The following ADAMTS6 variants were observed in gnomAD, a reference collection of about 807,000 sequenced individuals.
ADAMTS6 encodes the protein ADAM metallopeptidase with thrombospondin type 1 motif 6.
Under a neutral mutation model 144.3 loss-of-function variants are expected in ADAMTS6, and 23 were observed. The ratio of observed to expected loss-of-function variants is 0.16; its 90% CI spans 0.11 to 0.23. ADAMTS6 has a LOEUF of 0.23. Ranked by LOEUF, ADAMTS6 falls within the 10% of genes least tolerant of loss-of-function variation. The probability of loss-of-function intolerance (pLI) is 1.00; values close to 1 mark genes in which losing one functional copy is unlikely to be tolerated. For missense variants in ADAMTS6, 999 were observed against 1,379.6 expected (o/e 0.72, Z 4.37); for synonymous variants, 444 against 457.5 (o/e 0.97, Z 0.38).
intron 11 of ADAMTS6, among the ~76,000 whole-genome samples, chr5:65,278,240 A>G (rs556855158): frequency 6.6e-6 from 1 of 152,178 alleles, no homozygotes; most frequent in South Asian, 2.1e-4. Context: ...GGGCACTTAG[A>G]TTGGTTCCAC....
At chr5:65,220,607 C>A (rs939401350) in intron 18 of ADAMTS6, among the ~76,000 whole-genome samples, 3 of 152,128 alleles carry the variant, frequency 2.0e-5, no homozygotes, top group East Asian at 3.9e-4. Flanking sequence ...ATTAGCCGGG[C>A]GTCAACGTGG....
intron 14 of ADAMTS6, among the ~76,000 whole-genome samples, chr5:65,253,054 C>A (rs62369581): frequency 0.15 from 23,359 of 151,520 alleles, 2,052 homozygotes; most frequent in African/African-American, 0.24. Flanking sequence ...TGCCCAGCTA[C>A]TTTCTGTATT....
intron 7 of ADAMTS6, among the ~76,000 whole-genome samples, chr5:65,442,728 A>T (rs1211665154): frequency 6.6e-6 from 1 of 152,168 alleles, no homozygotes; most frequent in Admixed American, 6.5e-5. Flanking sequence ...GGTTTGTTAC[A>T]TAGGTAGACA....
intron 7 of ADAMTS6, among the ~76,000 whole-genome samples, chr5:65,395,415 A>AT (rs1289007799): frequency 6.6e-6 from 1 of 152,092 alleles, no homozygotes; most frequent in Non-Finnish European, 1.5e-5. Context: ...TCCACAGGAA[A>AT]TTTTTTTAAC....
At chr5:65,275,403 GAAAGAAAGAAAGAAAA>G (rs1762431494) in intron 11 of ADAMTS6, among the ~76,000 whole-genome samples, 4 of 119,558 alleles carry the variant, frequency 3.3e-5, no homozygotes, top group African/African-American at 1.3e-4. Context: ...AAGAAAGAAA[GAAAGAAAGAAAGAAAA>G]GAAAGAAAGA....
At chr5:65,451,289 C>T in intron 7 of ADAMTS6, 186 bp downstream of exon 7, 2 of 532,364 alleles carry the variant, frequency 3.8e-6, no homozygotes, top group Middle Eastern at 5.1e-4. Context: ...TTTCTTTTTT[C>T]TTATTTGGTT....
intron 12 of ADAMTS6, among the ~76,000 whole-genome samples, chr5:65,271,694 T>C (rs776775864): frequency 1.3e-5 from 2 of 152,158 alleles, no homozygotes; most frequent in Non-Finnish European, 2.9e-5. Context: ...AACTTGATCA[T>C]GAGAATAATA....
chr5:65,191,656 T>A (rs1305360593), intron 21 of ADAMTS6, among the ~76,000 whole-genome samples: 2 of 152,138 alleles, frequency 1.3e-5, no homozygotes, highest in East Asian at 3.9e-4. Flanking sequence ...ACATTTTAAA[T>A]TAACTTAAAA....
chr5:65,154,075 G>T (rs1752273968), intron 24 of ADAMTS6, among the ~76,000 whole-genome samples: 1 of 152,084 alleles, frequency 6.6e-6, no homozygotes, highest in Admixed American at 6.5e-5. Flanking sequence ...AGGTGTGGTG[G>T]CACACACCTG....
At chr5:65,414,577 T>C (rs1474346131) in intron 7 of ADAMTS6, among the ~76,000 whole-genome samples, 1 of 152,164 alleles carries the variant, frequency 6.6e-6, no homozygotes, top group Non-Finnish European at 1.5e-5. Context: ...GTAAGAAGGA[T>C]ATATATAAAG....
chr5:65,157,243 T>G (rs1454313678), intron 24 of ADAMTS6, among the ~76,000 whole-genome samples: 1 of 152,236 alleles, frequency 6.6e-6, no homozygotes, highest in African/African-American at 2.4e-5. Flanking sequence ...TACTTAACAT[T>G]GATGTGCCAA....
intron 11 of ADAMTS6, among the ~76,000 whole-genome samples, chr5:65,274,156 C>T (rs1762269423): frequency 6.6e-6 from 1 of 152,050 alleles, no homozygotes. Flanking sequence ...AGGAAAATTA[C>T]AACACTTATT....
At chr5:65,184,886 T>G (rs1215004275) in intron 22 of ADAMTS6, among the ~76,000 whole-genome samples, 2 of 152,076 alleles carry the variant, frequency 1.3e-5, no homozygotes, top group African/African-American at 4.8e-5. Flanking sequence ...TACACTACAG[T>G]AGCCGGCAGA....
chr5:65,377,728 T>C (rs1448234398), intron 7 of ADAMTS6, among the ~76,000 whole-genome samples: 2 of 152,164 alleles, frequency 1.3e-5, no homozygotes, highest in Admixed American at 1.3e-4. Flanking sequence ...AATGAAAGAA[T>C]AGCACCAGCA....
intron 7 of ADAMTS6, among the ~76,000 whole-genome samples, chr5:65,357,759 G>A (rs1235039252): frequency 2.0e-5 from 3 of 151,776 alleles, no homozygotes; most frequent in African/African-American, 7.2e-5. Flanking sequence ...AATTCTTAGA[G>A]ATACATAACC....
chr5:65,226,121 C>G lies in ADAMTS6; in HGVS notation c.2032G>C (p.Asp678His), dbSNP rs373118005. 140 of 1,612,426 alleles carry G rather than the reference C, an allele frequency of 8.7e-5. No homozygotes were observed. The highest frequency in any genetic ancestry group is 2.5e-4 in the Admixed American group (15 of 59,894). ...CCATTGATGCAGATATCCAGTGAAT[C>G]CGCATTGCACTGGGTCCCATCGATC... ...AVIDGTQCNA[D>H]SLDICINGEC... is the part of the protein sequence containing the mutation. Residue 678 changes from aspartate (D) to histidine (H), a missense_variant, in exon 16 of 25, where the codon GAT (aspartate) becomes CAT (histidine). Physicochemically the swap from Asp to His is moderately conservative, Grantham distance 81. Transcript: ENST00000381055.
At chr5:65,448,277 T>C (rs1477916904) in intron 7 of ADAMTS6, among the ~76,000 whole-genome samples, 1 of 152,112 alleles carries the variant, frequency 6.6e-6, no homozygotes, top group African/African-American at 2.4e-5. Flanking sequence ...TCGTTTTAAA[T>C]GTAAATCAAC....
intron 2 of ADAMTS6, among the ~76,000 whole-genome samples, chr5:65,471,590 T>C (rs1475807081): frequency 6.9e-6 from 1 of 145,952 alleles, no homozygotes. Context: ...ACCCCGCCTC[T>C]ACTAAAAATA....
chr5:65,165,948 C>T (rs1339631817), intron 24 of ADAMTS6, among the ~76,000 whole-genome samples: 16 of 149,946 alleles, frequency 1.1e-4, no homozygotes, highest in Non-Finnish European at 1.9e-4. Flanking sequence ...TAAAGACCAT[C>T]GAGACTAGGA....
Sources: allele counts gnomAD v4.1 joint callset (sites outside exome capture counted in the v4.1 genomes callset), GRCh38; gene constraint gnomAD v4.1.1; transcripts MANE v1.5; gene names NCBI Gene and HGNC (gene_info 2026-07-23, HGNC 2026-07-21).